GRIK5: variants seen among roughly 807,000 people sequenced by gnomAD.
GRIK5 encodes glutamate ionotropic receptor kainate type subunit 5.
GRIK5 carries 43 observed loss-of-function variants against 97.4 expected under a neutral mutation model. The ratio of observed to expected loss-of-function variants is 0.44; its 90% CI spans 0.35 to 0.57. The LOEUF (loss-of-function observed/expected upper bound fraction) is 0.57, where lower values mean the gene tolerates loss of function less well. GRIK5 is among the 20% of genes least tolerant of loss of function. The pLI is 0.01. For synonymous variants in GRIK5, 580 were observed against 583.5 expected, an observed-to-expected ratio of 0.99 and a Z score of 0.09; for missense variants, 1,015 against 1,382.0, an observed-to-expected ratio of 0.73 and a Z score of 4.21.
intron 5 of GRIK5, among the ~76,000 whole-genome samples, chr19:42,059,864 C>T (rs1434472181): frequency 6.6e-6 from 1 of 152,094 alleles, no homozygotes; most frequent in Non-Finnish European, 1.5e-5. Flanking sequence ...TCTAGTGTGC[C>T]AGTCGCTCAG....
At position 42,021,402 on chromosome 19, in the gene GRIK5, G is replaced by A. The variant is rs1470408146; in HGVS notation, c.1770C>T (p.Tyr590=). 5.6e-6 allele frequency: 9 copies of A among 1,612,648 alleles called. No individual in the cohort carries two copies. In the African/African-American group the frequency reaches 1.1e-4, roughly 19 times the overall value. ...RARPHILENQ[Y]TLGNSLWFPV... The stretch of plus-strand genomic sequence containing the variant: ...GAAACCACAGGCTGTTGCCCAGCGT[G>A]TACTGGTTCTCCAGGATGTGGGGGC... Residue 590 remains tyrosine, a synonymous_variant, in exon 15 of 20, where the codon TAC becomes TAT. Transcript: ENST00000593562. The surrounding 1 kb of genome is among the most constrained non-coding windows in gnomAD (Gnocchi z 4.2).
intron 12 of GRIK5, among the ~76,000 whole-genome samples, chr19:42,024,651 G>T (rs2075746852): frequency 6.6e-6 from 1 of 152,216 alleles, no homozygotes. Context: ...GTTCCCAACA[G>T]ATCCTGCTCG....
intron 12 of GRIK5, among the ~76,000 whole-genome samples, chr19:42,037,785 C>T (rs372493437): frequency 1.6e-4 from 24 of 152,084 alleles, no homozygotes; most frequent in Admixed American, 5.2e-4. Context: ...GAGCAGCCCA[C>T]GTCCAGTGAC....
chr19:42,015,989 G>A (rs564877538), intron 15 of GRIK5, among the ~76,000 whole-genome samples: 2 of 152,306 alleles, frequency 1.3e-5, no homozygotes, highest in African/African-American at 4.8e-5. Flanking sequence ...GGGCTTGATA[G>A]AGAGACATGA....
At position 42,005,910 on chromosome 19, in the gene GRIK5, G is replaced by A. The variant is rs138121566; in HGVS notation, c.2076C>T (p.Tyr692=). The A allele has an allele frequency of 4.1e-4, 656 of 1,604,344 alleles. 3 individuals carry two copies. In the African/African-American group the frequency reaches 4.8e-3, roughly 12 times the overall value. The change falls in exon 17 of 20, where the codon TAC becomes TAT. Residue 692 remains tyrosine, a synonymous_variant. Coordinates refer to ENST00000593562, the MANE Select transcript of GRIK5 (RefSeq NM_002088.5). ...ACACGCTGGGCTGCTTCGACTGCAT[G>A]TAGTTCCACATGCGCTGGTACGTTT... is the stretch of plus-strand genomic sequence containing the variant. ...RYQTYQRMWN[Y]MQSKQPSVFV... is the part of the protein sequence containing the mutation.
chr19:42,048,448 G>A (rs757455889), intron 11 of GRIK5, among the ~76,000 whole-genome samples: 6 of 151,860 alleles, frequency 4.0e-5, no homozygotes, highest in East Asian at 1.9e-4. Flanking sequence ...GTGAAACCCC[G>A]TCTCTACTAA....
At chr19:42,008,893 G>T (rs1039816476) in intron 15 of GRIK5, among the ~76,000 whole-genome samples, 2 of 152,134 alleles carry the variant, frequency 1.3e-5, no homozygotes, top group African/African-American at 4.8e-5. Context: ...AAATTTTACT[G>T]AAAGGGATTA....
chr19:42,043,723 G>T (rs1484689430), intron 11 of GRIK5, among the ~76,000 whole-genome samples: 2 of 151,962 alleles, frequency 1.3e-5, no homozygotes, highest in Non-Finnish European at 2.9e-5. Context: ...AATTTTAAGA[G>T]AATTTGGAAA....
At chr19:42,018,192 T>C (rs975936214) in intron 15 of GRIK5, among the ~76,000 whole-genome samples, 1 of 146,434 alleles carries the variant, frequency 6.8e-6, no homozygotes, top group South Asian at 2.2e-4. Flanking sequence ...GGCATGGTGT[T>C]GGGCGCCTGT....
intron 11 of GRIK5, among the ~76,000 whole-genome samples, chr19:42,047,107 C>G (rs538793296): frequency 1.3e-5 from 2 of 151,970 alleles, no homozygotes; most frequent in African/African-American, 4.8e-5. Flanking sequence ...AGGCTGGTCT[C>G]GAACTCCTGA....
At chr19:42,017,572 G>C (rs2075639678) in intron 15 of GRIK5, among the ~76,000 whole-genome samples, 1 of 152,168 alleles carries the variant, frequency 6.6e-6, no homozygotes, top group Non-Finnish European at 1.5e-5. Flanking sequence ...GGTGGCAAAG[G>C]CAAAAGGAAC....
intron 15 of GRIK5, among the ~76,000 whole-genome samples, chr19:42,008,757 G>A (rs1390030384): frequency 6.6e-6 from 1 of 152,100 alleles, no homozygotes; most frequent in Admixed American, 6.5e-5. Context: ...CATGAAAACA[G>A]CTATTATAAA....
Position 42,065,264 on chromosome 19 carries a change from A to C in GRIK5, c.203T>G (p.Phe68Cys), listed in dbSNP as rs201089156. 2 of 1,613,316 alleles carry C rather than the reference A, an allele frequency of 1.2e-6. No homozygotes were observed. Among genetic ancestry groups the C allele is most frequent in the East Asian group, 2.2e-5 (1 of 44,888 alleles). Residue 68 changes from phenylalanine to cysteine, a missense_variant, in exon 3 of 20, where the codon TTT becomes TGT. Phe to Cys is a radical substitution (Grantham distance 205). Around this residue, in one of 5 missense-constraint regions of GRIK5, gnomAD observed 198 missense variants for 218.2 expected, o/e 0.91. Transcript: ENST00000593562. The surrounding 1 kb of genome is among the most constrained non-coding windows in gnomAD (Gnocchi z 5.8). ...GTACTGGCTGTCCCGCTGCAGCTCA[A>C]AGATGTCTACTTCCACTCGGGCCTT... Reference protein sequence around the residue: ...PAKARVEVDIFELQRDSQYET... With the variant: ...PAKARVEVDICELQRDSQYET...
chr19:41,999,317 G>T lies in GRIK5; in HGVS notation c.2515-18C>A, dbSNP rs1555870420. On this transcript the variant is annotated intron_variant, in intron 19 of 19. Coordinates refer to ENST00000593562, the MANE Select transcript of GRIK5 (RefSeq NM_002088.5). This position sits in a 1 kb window ranked among gnomAD's most constrained non-coding sequence, Gnocchi z 5.0. ...ACCGACACCTGGGGGTGGCGCGGGC[G>T]GTCACCGTCCCGGCGCAGTCCGCCT... The T allele has an allele frequency of 1.0e-5, 15 of 1,502,762 alleles. No homozygotes were observed. 93.1% of individuals were successfully genotyped at this position (1,502,762 alleles called of 1,614,324 possible).
chr19:42,063,673 C>A (rs185805474), intron 3 of GRIK5: 1 of 225,252 alleles, frequency 4.4e-6, no homozygotes, highest in East Asian at 1.3e-4. Context: ...GAGAGCATTT[C>A]TGAAAATGAA....
chr19:42,013,898 GCACA>G (rs2075595684), intron 15 of GRIK5, among the ~76,000 whole-genome samples: 3 of 151,020 alleles, frequency 2.0e-5, no homozygotes, highest in African/African-American at 7.3e-5. Flanking sequence ...GTGTGGCGTC[GCACA>G]CCTGTGATCC....
At chr19:42,011,115 TAACA>T (rs1178506338) in intron 15 of GRIK5, among the ~76,000 whole-genome samples, 9 of 146,622 alleles carry the variant, frequency 6.1e-5, no homozygotes, top group Non-Finnish European at 1.2e-4. Context: ...ATTTACTATC[TAACA>T]CACACACACA....
At position 42,022,366 on chromosome 19, in the gene GRIK5, G is replaced by T; in HGVS notation, c.1474-12C>A. On this transcript the variant is annotated splice_polypyrimidine_tract_variant and intron_variant, in intron 12 of 19. Coordinates refer to ENST00000593562, the MANE Select transcript of GRIK5 (RefSeq NM_002088.5). The surrounding 1 kb of genome is among the most constrained non-coding windows in gnomAD (Gnocchi z 4.2). ...GCCAGGTCTGCCTTCTGCTGGAGGG[G>T]AAGCCGGGCAGGGGTGGAGGGGGAC... is the stretch of plus-strand genomic sequence containing the variant. The T allele has an allele frequency of 6.2e-7, 1 of 1,607,974 alleles. No individual in the cohort carries two copies. Among genetic ancestry groups the T allele is most frequent in the Non-Finnish European group, 8.5e-7 (1 of 1,175,060 alleles).
intron 1 of GRIK5, among the ~76,000 whole-genome samples, chr19:42,068,214 G>A (rs181392223): frequency 6.6e-6 from 1 of 152,202 alleles, no homozygotes; most frequent in East Asian, 1.9e-4. Context: ...GATGGAGTGA[G>A]TGCACTAGAG....
Sources: gnomAD v4.1 joint callset for allele counts (sites outside exome capture counted in the v4.1 genomes callset) on GRCh38, gnomAD v4.1.1 for gene constraint, gnomAD v4.1.1 regional missense constraint, Gnocchi (gnomAD v3.1) non-coding constraint, MANE v1.5 for transcripts, NCBI Gene and HGNC (gene_info 2026-07-23, HGNC 2026-07-21) for gene names.